Variants in MICU2 observed in about 807,000 individuals in gnomAD.
MICU2 encodes calcium uptake protein 2, mitochondrial.
Under a neutral mutation model 60.4 loss-of-function variants are expected in MICU2, and 64 were observed. The ratio of observed to expected loss-of-function variants is 1.06; its 90% CI spans 0.87 to 1.31. The LOEUF is 1.31. Ranked by LOEUF, MICU2 falls within the 50% of genes most tolerant of loss-of-function variation. MICU2 has a pLI of 0.00. For missense variants in MICU2, 569 were observed against 531.0 expected, an observed-to-expected ratio of 1.07 and a Z score of -0.70; for synonymous variants, 201 against 175.0, an observed-to-expected ratio of 1.15 and a Z score of -1.17.
Position 21,496,175 on chromosome 13 carries a change from G to GT in MICU2, c.934-16dup. 6.4e-7 allele frequency: 1 copy of GT among 1,564,468 alleles called. No individual in the cohort carries two copies. Among genetic ancestry groups the GT allele is most frequent in the Non-Finnish European group, 8.8e-7 (1 of 1,141,858 alleles). ...AAACTAATGCTCTAATAAAGTAAGA[G>GT]TTTTTATTACAATTTTGTAAGTACA... On this transcript the variant is annotated splice_polypyrimidine_tract_variant and intron_variant, in intron 9 of 11. Transcript: ENST00000382374.
At chr13:21,589,331 A>G (rs1047954210) in intron 1 of MICU2, among the ~76,000 whole-genome samples, 10 of 152,214 alleles carry the variant, frequency 6.6e-5, no homozygotes, top group Non-Finnish European at 1.5e-4. Flanking sequence ...GCTGTGTCAT[A>G]CCATACATCC....
intron 9 of MICU2, 135 bp from the exon 10 acceptor site, chr13:21,496,295 C>A: frequency 3.0e-6 from 2 of 655,902 alleles, no homozygotes; most frequent in Non-Finnish European, 5.1e-6. Flanking sequence ...CTTTCTCTGT[C>A]CCTTTCTCTC....
intron 1 of MICU2, among the ~76,000 whole-genome samples, chr13:21,580,594 AT>A (rs1888326381): frequency 1.3e-5 from 2 of 152,146 alleles, no homozygotes; most frequent in South Asian, 4.2e-4. Context: ...ACTCTTAAAT[AT>A]TTAAGAGTAA....
At chr13:21,550,614 C>T (rs375610376) in intron 2 of MICU2, among the ~76,000 whole-genome samples, 3 of 152,106 alleles carry the variant, frequency 2.0e-5, no homozygotes, top group East Asian at 3.9e-4. Flanking sequence ...CATTATAAAA[C>T]GTTTAAAAGC....
chr13:21,538,767 T>C (rs1212009668), intron 4 of MICU2, among the ~76,000 whole-genome samples: 1 of 152,084 alleles, frequency 6.6e-6, no homozygotes, highest in Non-Finnish European at 1.5e-5. Context: ...TTCTTGGATT[T>C]TGGTATCCAA....
intron 1 of MICU2, chr13:21,603,506 A>T (rs1481210472): frequency 5.5e-6 from 1 of 180,808 alleles, no homozygotes; most frequent in Non-Finnish European, 1.1e-5. Context: ...GCAAAGCTTA[A>T]CAAAGGTATA....
At chr13:21,544,202 A>G (rs933933768) in intron 2 of MICU2, among the ~76,000 whole-genome samples, 3 of 152,302 alleles carry the variant, frequency 2.0e-5, no homozygotes, top group African/African-American at 4.8e-5. Context: ...CTCAAACTAC[A>G]AAACCACTTT....
chr13:21,497,010 C>T (rs575931566), intron 9 of MICU2, among the ~76,000 whole-genome samples: 8 of 151,866 alleles, frequency 5.3e-5, no homozygotes, highest in Admixed American at 2.0e-4. Context: ...TGCAGTGAGC[C>T]GAGATCACGC....
chr13:21,600,867 G>C (rs867489568), intron 1 of MICU2, among the ~76,000 whole-genome samples: 3 of 152,112 alleles, frequency 2.0e-5, no homozygotes, highest in Non-Finnish European at 4.4e-5. Flanking sequence ...CAGGATCTCG[G>C]CTCCCTGCAA....
chr13:21,535,413 G>A (rs17067574), intron 4 of MICU2, among the ~76,000 whole-genome samples: 21,650 of 152,032 alleles, frequency 0.14, 1,739 homozygotes, highest in Middle Eastern at 0.21. Flanking sequence ...TTTCTTAAGA[G>A]TCTCAAAATG....
chr13:21,518,046 A>G (rs1886626094), intron 6 of MICU2, among the ~76,000 whole-genome samples: 2 of 152,202 alleles, frequency 1.3e-5, no homozygotes, highest in Admixed American at 1.3e-4. Context: ...AACAAAATCA[A>G]TGATGTATCC....
At chr13:21,581,648 G>A (rs772446490) in intron 1 of MICU2, among the ~76,000 whole-genome samples, 5 of 152,032 alleles carry the variant, frequency 3.3e-5, no homozygotes, top group African/African-American at 7.3e-5. Flanking sequence ...AGTAGTGCAC[G>A]TTAGAATAAT....
chr13:21,508,124 C>CT, intron 8 of MICU2, among the ~76,000 whole-genome samples: 1 of 145,776 alleles, frequency 6.9e-6, no homozygotes, highest in African/African-American at 2.7e-5. Flanking sequence ...CAAGGCTCTT[C>CT]TTTCTTTTTT....
intron 5 of MICU2, 48 bp from the exon 6 acceptor site, chr13:21,521,375 T>C (rs1294338436): frequency 1.3e-6 from 2 of 1,499,940 alleles, no homozygotes; most frequent in African/African-American, 2.8e-5. Flanking sequence ...GAAAACCAAG[T>C]TATTTGTAGA....
intron 2 of MICU2, among the ~76,000 whole-genome samples, chr13:21,553,718 A>T (rs1179646484): frequency 6.6e-6 from 1 of 152,228 alleles, no homozygotes; most frequent in East Asian, 1.9e-4. Context: ...TAAATGCTCC[A>T]ATTAAAAGGC....
intron 7 of MICU2, among the ~76,000 whole-genome samples, chr13:21,511,516 C>A (rs1374127970): frequency 2.0e-5 from 3 of 152,138 alleles, no homozygotes; most frequent in African/African-American, 7.2e-5. Context: ...AGATTTCACA[C>A]ACAATGGTAA....
chr13:21,521,870 G>A (rs1886724299), intron 5 of MICU2, among the ~76,000 whole-genome samples: 1 of 152,118 alleles, frequency 6.6e-6, no homozygotes, highest in African/African-American at 2.4e-5. Context: ...TCAACCTCCT[G>A]GGCTCAAGCA....
intron 8 of MICU2, among the ~76,000 whole-genome samples, chr13:21,503,773 A>G (rs1441799331): frequency 6.6e-6 from 1 of 152,234 alleles, no homozygotes; most frequent in East Asian, 1.9e-4. Context: ...GAAACGTTGC[A>G]CTTGATTTAT....
intron 8 of MICU2, among the ~76,000 whole-genome samples, chr13:21,504,366 T>C (rs1298472413): frequency 6.6e-6 from 1 of 152,036 alleles, no homozygotes; most frequent in Non-Finnish European, 1.5e-5. Context: ...ATTACTAACT[T>C]GTTCCTTTCC....
Sources: allele counts gnomAD v4.1 joint callset (sites outside exome capture counted in the v4.1 genomes callset), GRCh38; gene constraint gnomAD v4.1.1; transcripts MANE v1.5; gene names NCBI Gene and HGNC (gene_info 2026-07-23, HGNC 2026-07-21).